Variants in EYS observed in about 807,000 individuals in gnomAD.
EYS encodes protein eyes shut homolog.
Under a neutral mutation model 282.1 loss-of-function variants are expected in EYS, and 250 were observed. The ratio of observed to expected loss-of-function variants is 0.89; its 90% CI spans 0.80 to 0.98. EYS has a LOEUF of 0.98. EYS is among the 50% of genes least tolerant of loss of function. EYS has a pLI of 0.00. For synonymous variants in EYS, 1,355 were observed against 1,282.9 expected (o/e 1.06, Z -1.20); for missense variants, 4,016 against 3,709.0 (o/e 1.08, Z -2.15).
intron 32 of EYS, among the ~76,000 whole-genome samples, chr6:64,069,957 A>G (rs887036443): frequency 5.3e-5 from 8 of 152,140 alleles, no homozygotes; most frequent in Non-Finnish European, 1.2e-4. Context: ...CTATACTTTT[A>G]CAAATATCTT....
chr6:64,302,939 G>A (rs778901025), intron 30 of EYS, among the ~76,000 whole-genome samples: 9 of 151,912 alleles, frequency 5.9e-5, no homozygotes, highest in South Asian at 2.1e-4. Context: ...ATTCCAGCAC[G>A]ATGCATCAAA....
At chr6:64,011,574 A>G (rs1031833439) in intron 33 of EYS, among the ~76,000 whole-genome samples, 5 of 150,756 alleles carry the variant, frequency 3.3e-5, no homozygotes, top group Admixed American at 6.6e-5. Flanking sequence ...TCAAAAGCAC[A>G]TAAGTAAAGT....
At chr6:65,194,959 T>C (rs1378215393) in intron 12 of EYS, among the ~76,000 whole-genome samples, 3 of 151,962 alleles carry the variant, frequency 2.0e-5, no homozygotes, top group African/African-American at 7.2e-5. Flanking sequence ...GTTTCTATTT[T>C]TTCCTACTCA....
intron 36 of EYS, among the ~76,000 whole-genome samples, chr6:63,860,170 A>G (rs11754728): frequency 0.12 from 18,387 of 152,152 alleles, 1,341 homozygotes; most frequent in African/African-American, 0.19. Flanking sequence ...GATCCAATAG[A>G]TGGCTTGGGA....
intron 29 of EYS, among the ~76,000 whole-genome samples, chr6:64,343,497 C>A (rs997336821): frequency 6.6e-6 from 1 of 152,166 alleles, no homozygotes; most frequent in Admixed American, 6.6e-5. Context: ...TAAAGATGTT[C>A]TTTGAAACCA....
chr6:64,829,000 T>C (rs577340395), intron 19 of EYS, among the ~76,000 whole-genome samples: 2 of 152,018 alleles, frequency 1.3e-5, no homozygotes, highest in East Asian at 3.9e-4. Context: ...TTCAGTCCCA[T>C]GATGTGGTCA....
intron 13 of EYS, among the ~76,000 whole-genome samples, chr6:65,054,250 TA>T (rs1160641534): frequency 6.6e-6 from 1 of 151,980 alleles, no homozygotes; most frequent in Non-Finnish European, 1.5e-5. Context: ...TAACAACTCA[TA>T]AATTAATTTG....
chr6:65,531,495 G>A (rs1300961125), intron 2 of EYS, among the ~76,000 whole-genome samples: 1 of 152,104 alleles, frequency 6.6e-6, no homozygotes, highest in Non-Finnish European at 1.5e-5. Context: ...GAACCAGAGA[G>A]GTATAACTAA....
intron 29 of EYS, among the ~76,000 whole-genome samples, chr6:64,324,796 A>T (rs1189115121): frequency 6.6e-6 from 1 of 152,216 alleles, no homozygotes; most frequent in Admixed American, 6.5e-5. Flanking sequence ...ATGTATAAAA[A>T]TCGGTATATT....
At chr6:65,212,837 C>T (rs1240260660) in intron 12 of EYS, among the ~76,000 whole-genome samples, 1 of 151,842 alleles carries the variant, frequency 6.6e-6, no homozygotes. Flanking sequence ...GCATTTAAAC[C>T]TATAATTTAG....
intron 12 of EYS, among the ~76,000 whole-genome samples, chr6:65,236,082 T>A (rs186421020): frequency 4.7e-4 from 71 of 151,576 alleles, no homozygotes; most frequent in African/African-American, 1.7e-3. Flanking sequence ...TTGTAATAAA[T>A]ATTATTAGTA....
At chr6:64,896,089 AT>A (rs1405637354) in intron 18 of EYS, among the ~76,000 whole-genome samples, 2 of 152,198 alleles carry the variant, frequency 1.3e-5, no homozygotes, top group African/African-American at 4.8e-5. Flanking sequence ...ATATATAAGG[AT>A]TCTTACAAAG....
intron 31 of EYS, among the ~76,000 whole-genome samples, chr6:64,194,841 A>G (rs1274838739): frequency 5.3e-5 from 8 of 152,166 alleles, no homozygotes; most frequent in Admixed American, 6.5e-5. Flanking sequence ...AAAATTTCAT[A>G]ATATAATTGT....
chr6:64,821,524 G>C (rs553271734), intron 21 of EYS, 121 bp downstream of exon 21: 4 of 525,588 alleles, frequency 7.6e-6, no homozygotes, highest in Non-Finnish European at 3.4e-6. Flanking sequence ...GGAAAGATGA[G>C]AGAACAGTTA....
intron 12 of EYS, among the ~76,000 whole-genome samples, chr6:65,265,393 T>C (rs374393512): frequency 1.3e-5 from 2 of 152,164 alleles, no homozygotes; most frequent in African/African-American, 4.8e-5. Flanking sequence ...ATAAGGTATT[T>C]AAAGCAGGGA....
intron 22 of EYS, among the ~76,000 whole-genome samples, chr6:64,771,722 C>T (rs1209728492): frequency 6.6e-6 from 1 of 151,674 alleles, no homozygotes; most frequent in Non-Finnish European, 1.5e-5. Flanking sequence ...TAAATATGGT[C>T]TAAAAGACTT....
intron 1 of EYS, among the ~76,000 whole-genome samples, chr6:65,699,576 T>A (rs1190819814): frequency 5.3e-5 from 8 of 152,174 alleles, no homozygotes; most frequent in Non-Finnish European, 1.2e-4. Flanking sequence ...AGCTGCAGAA[T>A]AACCTGGTGT....
Position 64,545,945 on chromosome 6 carries a change from C to T in EYS, c.5644+44278G>A, listed in dbSNP as rs1764846546. The stretch of plus-strand genomic sequence containing the variant: ...CAATATCGTGAAAATGGCCATACTG[C>T]CCAAGGTAATTTATAGATTCAATGC... On this transcript the variant is annotated intron_variant, in intron 26 of 42. Transcript: ENST00000503581. Among the ~76,000 whole-genome samples, 4 of 152,056 alleles carry T rather than the reference C, an allele frequency of 2.6e-5. No individual in the cohort carries two copies. In the South Asian group the frequency reaches 8.3e-4, roughly 31 times the overall value.
intron 12 of EYS, among the ~76,000 whole-genome samples, chr6:65,058,747 C>T (rs1773487527): frequency 6.6e-6 from 1 of 150,532 alleles, no homozygotes; most frequent in African/African-American, 2.4e-5. Context: ...CTTATTATAC[C>T]ACTTAGATTG....
Sources: allele counts gnomAD v4.1 joint callset (sites outside exome capture counted in the v4.1 genomes callset), GRCh38; gene constraint gnomAD v4.1.1; transcripts MANE v1.5; gene names NCBI Gene and HGNC (gene_info 2026-07-23, HGNC 2026-07-21).